The following PLCH1 variants were observed in gnomAD, a reference collection of about 807,000 sequenced individuals.
PLCH1 encodes the protein phospholipase C eta 1.
A neutral mutation model predicts 126.7 loss-of-function variants in PLCH1; 60 were observed. That is an observed-to-expected ratio of 0.47 (90% confidence interval 0.38 to 0.59). PLCH1 has a LOEUF of 0.59. PLCH1 is among the 20% of genes least tolerant of loss of function. The probability of loss-of-function intolerance (pLI) is 0.00; values close to 1 mark genes in which losing one functional copy is unlikely to be tolerated. For missense variants in PLCH1, 1,723 were observed against 2,040.0 expected, an observed-to-expected ratio of 0.84 and a Z score of 2.99; for synonymous variants, 719 against 734.9, an observed-to-expected ratio of 0.98 and a Z score of 0.35.
intron 21 of PLCH1, among the ~76,000 whole-genome samples, chr3:155,459,321 C>T (rs764014201): frequency 6.6e-5 from 10 of 152,050 alleles, no homozygotes; most frequent in Admixed American, 3.9e-4. Flanking sequence ...AAACAAGAAC[C>T]AGAGAAACAC....
intron 2 of PLCH1, among the ~76,000 whole-genome samples, chr3:155,700,390 A>G (rs1445196907): frequency 6.6e-6 from 1 of 150,870 alleles, no homozygotes; most frequent in Non-Finnish European, 1.5e-5. Flanking sequence ...CATACTGCAT[A>G]AATATTTAAT....
chr3:155,523,695 C>A lies in PLCH1; in HGVS notation c.1470+202G>T, dbSNP rs78682086. On this transcript the variant is annotated intron_variant, in intron 11 of 22. Transcript: ENST00000460012. ...AATTAATCACTAAAATTCCTTCCAA[C>A]ACTCAGACACAAGAATCCTTGACTC... Among the ~76,000 whole-genome samples the A allele has an allele frequency of 5.3e-5, 8 of 152,296 alleles. No individual in the cohort carries two copies. The East Asian group carries it at 1.5e-3, about 29-fold the overall frequency.
At chr3:155,530,527 C>T (rs1332160691) in intron 10 of PLCH1, among the ~76,000 whole-genome samples, 1 of 152,042 alleles carries the variant, frequency 6.6e-6, no homozygotes, top group Non-Finnish European at 1.5e-5. Context: ...CTGTGTTAGC[C>T]AGGCTGGTCT....
At chr3:155,716,381 T>C (rs141842142) in intron 1 of PLCH1, among the ~76,000 whole-genome samples, 74 of 152,342 alleles carry the variant, frequency 4.9e-4, no homozygotes, top group Non-Finnish European at 8.4e-4. Context: ...AAATCTTGTG[T>C]GTTAGGCCAT....
intron 2 of PLCH1, among the ~76,000 whole-genome samples, chr3:155,646,519 CTTGTT>C (rs1274640811): frequency 2.0e-5 from 3 of 152,218 alleles, no homozygotes; most frequent in Non-Finnish European, 2.9e-5. Flanking sequence ...TTTGCAGACT[CTTGTT>C]TTATCTTTAA....
intron 11 of PLCH1, among the ~76,000 whole-genome samples, chr3:155,518,617 G>GA (rs1296709133): frequency 6.6e-6 from 1 of 152,052 alleles, no homozygotes; most frequent in African/African-American, 2.4e-5. Flanking sequence ...ATCCCTCTGG[G>GA]AAAAACAATT....
intron 1 of PLCH1, among the ~76,000 whole-genome samples, chr3:155,734,668 T>C (rs1413522184): frequency 6.6e-6 from 1 of 151,804 alleles, no homozygotes; most frequent in Non-Finnish European, 1.5e-5. Flanking sequence ...ATAAAGAAAA[T>C]GTGGTATATA....
rs190379838 is a variant in PLCH1, at chr3:155,627,809, C to G, written c.80-31431G>C. Reference sequence around the variant, plus strand: ...TTGAGACAGAATCTCACTCCATCGCCCAGGCTGGAGTGCAGTGGCACAATC... The same window carrying G: ...TTGAGACAGAATCTCACTCCATCGCGCAGGCTGGAGTGCAGTGGCACAATC... On this transcript the variant is annotated intron_variant, in intron 2 of 22. Transcript: ENST00000460012. Among the ~76,000 whole-genome samples, 550 of 150,460 alleles carry G rather than the reference C, an allele frequency of 3.7e-3. 2 individuals are homozygous for G. Among genetic ancestry groups the G allele is most frequent in the African/African-American group, 0.012 (501 of 40,822 alleles).
At chr3:155,486,346 C>G in intron 21 of PLCH1, 2 of 600,060 alleles carry the variant, frequency 3.3e-6, no homozygotes, top group African/African-American at 1.9e-5. Context: ...GTCTTATGCT[C>G]ATTCATTGTT....
At chr3:155,487,274 C>A (rs1715391601) in intron 21 of PLCH1, among the ~76,000 whole-genome samples, 1 of 152,198 alleles carries the variant, frequency 6.6e-6, no homozygotes, top group Non-Finnish European at 1.5e-5. Flanking sequence ...ATCCCACATT[C>A]ACAGATGAGG....
intron 1 of PLCH1, among the ~76,000 whole-genome samples, chr3:155,720,213 C>A (rs1342975567): frequency 1.3e-5 from 2 of 152,244 alleles, no homozygotes; most frequent in Admixed American, 6.5e-5. Flanking sequence ...ATAATGAATT[C>A]TTTTGCTCTG....
At chr3:155,649,814 T>C (rs1372734212) in intron 2 of PLCH1, among the ~76,000 whole-genome samples, 1 of 152,044 alleles carries the variant, frequency 6.6e-6, no homozygotes, top group African/African-American at 2.4e-5. Context: ...CTGTCTCTAC[T>C]AAAAATACAA....
At position 155,700,840 on chromosome 3, in the gene PLCH1, GGTATAAGCCA is replaced by G. The variant is rs561492073; in HGVS notation, c.79+3296_79+3305del. 3.8e-3 allele frequency among the ~76,000 whole-genome samples: 575 copies of G among 152,272 alleles called. 1 individual carries two copies. Among genetic ancestry groups the G allele is most frequent in the Admixed American group, 7.0e-3 (107 of 15,290 alleles). The stretch of plus-strand genomic sequence containing the variant: ...TTTTCAAATCAGGATAAATCATGAA[GGTATAAGCCA>G]TTAAGACAGGGTTCATACCGCACCA... On this transcript the variant is annotated intron_variant, in intron 2 of 22. Coordinates refer to ENST00000460012, the MANE Select transcript of PLCH1 (RefSeq NM_014996.4).
At chr3:155,477,976 G>C (rs187436387), downstream of PLCH1, among the ~76,000 whole-genome samples, 22 of 152,222 alleles carry the variant, frequency 1.4e-4, no homozygotes, top group Non-Finnish European at 2.6e-4. Context: ...GCTTACCTTA[G>C]CTAAGATTTG....
At chr3:155,486,228 C>G in intron 21 of PLCH1, 1 of 1,449,176 alleles carries the variant, frequency 6.9e-7, no homozygotes, top group Non-Finnish European at 9.4e-7. Context: ...AAAAACAAAA[C>G]ACAACAAAAC....
At chr3:155,542,983 T>C (rs1055952576) in intron 10 of PLCH1, among the ~76,000 whole-genome samples, 9 of 152,174 alleles carry the variant, frequency 5.9e-5, no homozygotes, top group Non-Finnish European at 1.2e-4. Flanking sequence ...CAGAGCACCT[T>C]TCCTCCTCCA....
intron 13 of PLCH1, among the ~76,000 whole-genome samples, chr3:155,502,062 TTCTC>T (rs1717987782): frequency 6.6e-6 from 1 of 152,136 alleles, no homozygotes; most frequent in African/African-American, 2.4e-5. Context: ...CACACTCAAC[TTCTC>T]TCTATTTCAG....
At chr3:155,659,491 A>ATTTTTG (rs755575643) in intron 2 of PLCH1, among the ~76,000 whole-genome samples, 1 of 149,686 alleles carries the variant, frequency 6.7e-6, no homozygotes, top group Non-Finnish European at 1.5e-5. Flanking sequence ...GGTCTGGCTC[A>ATTTTTG]TTTTTGTTTT....
intron 22 of PLCH1, among the ~76,000 whole-genome samples, chr3:155,483,537 A>G (rs1163291947): frequency 1.3e-5 from 2 of 152,250 alleles, no homozygotes; most frequent in African/African-American, 4.8e-5. Flanking sequence ...TCATTTTCAA[A>G]ACATTTTGGG....
Sources: gnomAD v4.1 joint callset for allele counts (sites outside exome capture counted in the v4.1 genomes callset) on GRCh38, gnomAD v4.1.1 for gene constraint, MANE v1.5 for transcripts, NCBI Gene and HGNC (gene_info 2026-07-23, HGNC 2026-07-21) for gene names.